AP1G1: variants seen among roughly 807,000 people sequenced by gnomAD.
AP1G1 encodes the protein AP-1 complex subunit gamma-1.
A neutral mutation model predicts 108.3 loss-of-function variants in AP1G1; 7 were observed. That is an observed-to-expected ratio of 0.06 (90% CI 0.04 to 0.12). The LOEUF is 0.12. Among genes scored for constraint, AP1G1 ranks in the 10% least tolerant of loss-of-function variants. The pLI is 1.00. For missense variants in AP1G1, 756 were observed against 1,010.7 expected (o/e 0.75, Z 3.42); for synonymous variants, 379 against 353.5 (o/e 1.07, Z -0.81).
intron 10 of AP1G1, among the ~76,000 whole-genome samples, chr16:71,760,638 G>C (rs1201250501): frequency 5.9e-5 from 9 of 151,882 alleles, no homozygotes; most frequent in Non-Finnish European, 8.8e-5. Flanking sequence ...TTAACCTCCT[G>C]GGTTCAGGTG....
chr16:71,753,908 G>A (rs2030635663), intron 12 of AP1G1, 21 bp from the exon 13 acceptor site: 1 of 1,611,222 alleles, frequency 6.2e-7, no homozygotes, highest in Non-Finnish European at 8.5e-7. Context: ...CAATGGAAAG[G>A]GACACTTGGA....
At chr16:71,764,505 T>C (rs2031234008) in intron 8 of AP1G1, 57 bp from the exon 9 acceptor site, 3 of 1,330,674 alleles carry the variant, frequency 2.3e-6, no homozygotes, top group Non-Finnish European at 3.1e-6. Context: ...TCCCAAAACA[T>C]ATTCACAGGT....
At chr16:71,769,551 A>G in intron 6 of AP1G1, 72 bp downstream of exon 6, 1 of 1,410,340 alleles carries the variant, frequency 7.1e-7, no homozygotes. Context: ...AAAAATAAGA[A>G]GAAAATCATG....
chr16:71,803,457 T>G (rs1298745212), intron 1 of AP1G1, among the ~76,000 whole-genome samples: 1 of 152,150 alleles, frequency 6.6e-6, no homozygotes, highest in Non-Finnish European at 1.5e-5. Flanking sequence ...ATCCTAAACC[T>G]TGCCCTTTTA....
chr16:71,758,865 T>A lies in AP1G1; in HGVS notation c.1031A>T (p.Gln344Leu). The change falls in exon 11 of 23, where the codon CAG (glutamine) becomes CTG (leucine). Residue 344 changes from glutamine (Q) to leucine (L), a missense_variant. Gln to Leu is a moderately radical substitution (Grantham distance 113). This residue lies in a region of AP1G1 where 304 missense variants were observed against 483.6 expected (regional missense o/e 0.63). Transcript: ENST00000299980. ...KTVQTDHNAV[Q>L]RHRSTIVDCL... The stretch of plus-strand genomic sequence containing the variant: ...GTCCACAATTGTGCTTCTGTGCCTC[T>A]GTACTGCATTATGATCTGTCTGTAC... 6.2e-7 allele frequency: 1 copy of A among 1,611,872 alleles called. No individual in the cohort carries two copies. Among genetic ancestry groups the A allele is most frequent in the South Asian group, 1.1e-5 (1 of 90,438 alleles).
At chr16:71,740,787 T>C (rs2045609600) in intron 19 of AP1G1, among the ~76,000 whole-genome samples, 1 of 152,196 alleles carries the variant, frequency 6.6e-6, no homozygotes, top group African/African-American at 2.4e-5. Flanking sequence ...GGATAGACAG[T>C]AGTTACGTCT....
Position 71,746,581 on chromosome 16 carries a change from C to A in AP1G1, c.1730+7G>T. On this transcript the variant is annotated splice_region_variant and intron_variant, in intron 17 of 22. Transcript: ENST00000299980. ...GATACACGCATTGCTTAGTTTCTTTCGCTCACCTCATGTGGTCATATTTCT... is the reference window on the plus strand; with the variant it reads ...GATACACGCATTGCTTAGTTTCTTTAGCTCACCTCATGTGGTCATATTTCT... 1 of 1,568,186 alleles carries A rather than the reference C, an allele frequency of 6.4e-7. No individual in the cohort carries two copies. Among genetic ancestry groups the A allele is most frequent in the Non-Finnish European group, 8.7e-7 (1 of 1,146,162 alleles).
In AP1G1 at chr16:71,745,585, A is replaced by C; in HGVS notation, c.1760T>G (p.Met587Arg). 6.2e-7 allele frequency: 1 copy of C among 1,614,154 alleles called. No homozygotes were observed. The highest frequency in any genetic ancestry group is 8.5e-7 in the Non-Finnish European group (1 of 1,180,030). Residue 587 changes from methionine to arginine, a missense_variant, in exon 18 of 23, where the codon ATG becomes AGG. Physicochemically the swap from Met to Arg is moderately conservative, Grantham distance 91. This residue lies in a region of AP1G1 where 357 missense variants were observed against 366.5 expected (regional missense o/e 0.97). Coordinates refer to ENST00000299980, the MANE Select transcript of AP1G1 (RefSeq NM_001128.6). ...RSALLERMPV[M>R]EKVTTNGPTE... is the part of the protein sequence containing the mutation. The stretch of plus-strand genomic sequence containing the variant: ...AGGGCCATTTGTGGTCACTTTTTCC[A>C]TGACAGGCATTCTCTCAAGTAGGGC...
At chr16:71,784,431 TG>T (rs1311194109) in intron 2 of AP1G1, among the ~76,000 whole-genome samples, 1 of 152,186 alleles carries the variant, frequency 6.6e-6, no homozygotes, top group East Asian at 1.9e-4. Context: ...GCAACTACAC[TG>T]GCCTTATGCT....
chr16:71,758,419 T>G (rs766834416), intron 11 of AP1G1: 8 of 522,314 alleles, frequency 1.5e-5, no homozygotes, highest in Non-Finnish European at 2.7e-5. Flanking sequence ...TGTCAGCAGT[T>G]TGAGTGTCAG....
At position 71,731,936 on chromosome 16, in the gene AP1G1, G is replaced by A. The variant is rs1017986681; in HGVS notation, c.*1122C>T. On this transcript the variant is annotated 3_prime_UTR_variant, in exon 23 of 23. Coordinates refer to ENST00000299980, the MANE Select transcript of AP1G1 (RefSeq NM_001128.6). ...CCAGTGTTACAGATACAACACAAAT[G>A]TTCCAGTTAGAAGGAATTCAAACGG... 6.6e-6 allele frequency: 1 copy of A among 152,610 alleles called. No homozygotes were observed. The highest frequency in any genetic ancestry group is 1.5e-5 in the Non-Finnish European group (1 of 68,044). The allele number at this position is 152,610 out of a possible 1,614,324, so 9.5% of individuals were successfully genotyped here. A position where few individuals can be genotyped will look rare whatever the true frequency, so the allele number is the denominator to read the frequency against.
intron 1 of AP1G1, chr16:71,807,907 T>A: frequency 7.8e-7 from 1 of 1,283,436 alleles, no homozygotes; most frequent in South Asian, 1.2e-5. Context: ...AAAAGCTAAG[T>A]ATTCAGCACA....
intron 2 of AP1G1, among the ~76,000 whole-genome samples, chr16:71,781,991 T>C (rs1004806455): frequency 5.9e-5 from 9 of 152,206 alleles, no homozygotes; most frequent in African/African-American, 2.2e-4. Flanking sequence ...CTCTCTTTTG[T>C]GACATTAGCA....
intron 1 of AP1G1, among the ~76,000 whole-genome samples, chr16:71,790,149 T>G (rs1177255785): frequency 6.6e-6 from 1 of 151,352 alleles, no homozygotes. Context: ...TAAATAATTG[T>G]TAACAAACAG....
intron 17 of AP1G1, 93 bp downstream of exon 17, chr16:71,746,495 A>G: frequency 3.9e-6 from 3 of 760,970 alleles, no homozygotes; most frequent in Non-Finnish European, 6.2e-6. Context: ...AACAATTAAT[A>G]AAGCACAAGG....
At chr16:71,760,782 C>T (rs901873975) in intron 10 of AP1G1, among the ~76,000 whole-genome samples, 8 of 152,144 alleles carry the variant, frequency 5.3e-5, no homozygotes, top group African/African-American at 1.4e-4. Context: ...CTCCTGGGAT[C>T]ATGATCTACC....
chr16:71,788,449 T>C (rs956370801), intron 2 of AP1G1, among the ~76,000 whole-genome samples: 8 of 152,150 alleles, frequency 5.3e-5, no homozygotes, highest in African/African-American at 1.4e-4. Flanking sequence ...AAGCCCAGAA[T>C]GGACATCTTA....
At position 71,750,112 on chromosome 16, in the gene AP1G1, C is replaced by T. The variant is rs2030406035; in HGVS notation, c.1407+98G>A. The stretch of plus-strand genomic sequence containing the variant: ...CTAGAGTGTTAGAAATAAAGACATA[C>T]CAAAGGGGAGAGAGGAGGGGGGAAA... On this transcript the variant is annotated intron_variant, in intron 14 of 22. Coordinates refer to ENST00000299980, the MANE Select transcript of AP1G1 (RefSeq NM_001128.6). 20 of 1,505,464 alleles carry T rather than the reference C, an allele frequency of 1.3e-5. No individual in the cohort carries two copies. The East Asian group carries it at 3.8e-4, about 29-fold the overall frequency. 93.3% of individuals were successfully genotyped at this position (1,505,464 alleles called of 1,614,324 possible). A position where few individuals can be genotyped will look rare whatever the true frequency, so the allele number is the denominator to read the frequency against.
In AP1G1 at chr16:71,765,472, C is replaced by G; in HGVS notation, c.738+17G>C. 1 of 1,556,748 alleles carries G rather than the reference C, an allele frequency of 6.4e-7. No individual in the cohort carries two copies. Among genetic ancestry groups the G allele is most frequent in the East Asian group, 2.2e-5 (1 of 44,472 alleles). On this transcript the variant is annotated intron_variant, in intron 7 of 22. Transcript: ENST00000299980. ...AAATTCATATAACATTTATTTAAAACGTTCTTTCAACCTCACCTGCAAAAA... is the reference window on the plus strand; with the variant it reads ...AAATTCATATAACATTTATTTAAAAGGTTCTTTCAACCTCACCTGCAAAAA...
Sources: allele counts gnomAD v4.1 joint callset (sites outside exome capture counted in the v4.1 genomes callset), GRCh38; gene constraint gnomAD v4.1.1; regional missense constraint gnomAD v4.1.1; transcripts MANE v1.5; gene names NCBI Gene and HGNC (gene_info 2026-07-23, HGNC 2026-07-21).